The following AGAP1 variants were observed in gnomAD, a reference collection of about 807,000 sequenced individuals.
AGAP1 encodes ArfGAP with GTPase domain, ankyrin repeat and PH domain 1, also known as arf-GAP with GTPase, ANK repeat and PH domain-containing protein 1.
A neutral mutation model predicts 105.3 loss-of-function variants in AGAP1; 29 were observed. That is an observed-to-expected ratio of 0.28 (90% confidence interval 0.21 to 0.38). The LOEUF (loss-of-function observed/expected upper bound fraction) is 0.38, where lower values mean the gene tolerates loss of function less well. AGAP1 is among the 10% of genes least tolerant of loss of function. The probability of loss-of-function intolerance (pLI) is 1.00; values close to 1 mark genes in which losing one functional copy is unlikely to be tolerated. For synonymous variants in AGAP1, 509 were observed against 485.9 expected (o/e 1.05, Z -0.63); for missense variants, 998 against 1,165.1 (o/e 0.86, Z 2.09).
Position 235,799,316 on chromosome 2 carries a change from T to G in AGAP1, c.802-51T>G, listed in dbSNP as rs1203070841. ...TTATGACCTTGCCTAAGTGGAGGTC[T>G]TGGGTTCCTGAGTATGTCGTTAATG... On this transcript the variant is annotated intron_variant, in intron 7 of 17. Transcript: ENST00000304032. The surrounding 1 kb of genome is among the most constrained non-coding windows in gnomAD (Gnocchi z 5.0). 6.3e-7 allele frequency: 1 copy of G among 1,589,294 alleles called. No individual in the cohort carries two copies. Among genetic ancestry groups the G allele is most frequent in the African/African-American group, 1.3e-5 (1 of 74,702 alleles).
At chr2:235,984,910 CAT>C (rs763119478) in intron 13 of AGAP1, among the ~76,000 whole-genome samples, 3 of 152,148 alleles carry the variant, frequency 2.0e-5, no homozygotes, top group African/African-American at 4.8e-5. Flanking sequence ...CTGCAATAAA[CAT>C]ATGTGTGAAT....
intron 9 of AGAP1, among the ~76,000 whole-genome samples, chr2:235,820,999 T>G (rs1958757690): frequency 6.6e-6 from 1 of 152,226 alleles, no homozygotes. Flanking sequence ...TCATACATGA[T>G]GGACATAAGA....
At chr2:236,102,335 G>A (rs1037021560) in intron 16 of AGAP1, among the ~76,000 whole-genome samples, 3 of 150,706 alleles carry the variant, frequency 2.0e-5, no homozygotes, top group Non-Finnish European at 2.9e-5. Flanking sequence ...GGAGAATGGC[G>A]TGAACCCGGG....
At chr2:235,848,060 T>C (rs963067538) in intron 9 of AGAP1, among the ~76,000 whole-genome samples, 3 of 152,226 alleles carry the variant, frequency 2.0e-5, no homozygotes, top group Non-Finnish European at 4.4e-5. Flanking sequence ...AGGCACTGCT[T>C]GGTTTCTGGG....
rs1951770439 is a variant in AGAP1 at position 235,728,484 on chromosome 2, T to A, written c.310+10840T>A. On this transcript the variant is annotated intron_variant, in intron 3 of 17. Coordinates refer to ENST00000304032, the MANE Select transcript of AGAP1 (RefSeq NM_001037131.3). This position sits in a 1 kb window ranked among gnomAD's most constrained non-coding sequence, Gnocchi z 4.3. ...CCTGATTCAACTCACAGTGTAGTCC[T>A]TTATCCATGCTTGTTGGCTTCTGGA... Among the ~76,000 whole-genome samples, 2 of 152,308 alleles carry A rather than the reference T, an allele frequency of 1.3e-5. No homozygotes were observed. Among genetic ancestry groups the A allele is most frequent in the African/African-American group, 4.8e-5 (2 of 41,566 alleles).
chr2:236,032,587 TA>T (rs1406784130), intron 13 of AGAP1, among the ~76,000 whole-genome samples: 1 of 152,056 alleles, frequency 6.6e-6, no homozygotes, highest in Admixed American at 6.6e-5. Flanking sequence ...GGGGAAGCAT[TA>T]TTAGAAAAGA....
chr2:236,072,106 A>G (rs1438009341), intron 16 of AGAP1, among the ~76,000 whole-genome samples: 1 of 151,342 alleles, frequency 6.6e-6, no homozygotes, highest in Non-Finnish European at 1.5e-5. Flanking sequence ...GTTCTCTCCA[A>G]AAGTAGTCTT....
At chr2:235,680,057 C>G (rs143701710) in intron 1 of AGAP1, among the ~76,000 whole-genome samples, 7 of 152,334 alleles carry the variant, frequency 4.6e-5, no homozygotes, top group Non-Finnish European at 1.0e-4. Context: ...GATAATGTTA[C>G]AAACTTAGAT....
chr2:236,041,191 G>A (rs949915339), intron 15 of AGAP1, among the ~76,000 whole-genome samples: 3 of 151,846 alleles, frequency 2.0e-5, no homozygotes, highest in East Asian at 1.9e-4. Flanking sequence ...GGGAGAACCC[G>A]TCTCTACAGA....
intron 12 of AGAP1, among the ~76,000 whole-genome samples, chr2:235,955,897 A>C (rs1182967000): frequency 6.6e-6 from 1 of 152,140 alleles, no homozygotes; most frequent in African/African-American, 2.4e-5. Flanking sequence ...TGGCCTAAGG[A>C]GCCCACCTTC....
rs2054208142 is a variant in AGAP1, at chr2:235,961,994, G to A, written c.1484-6468G>A. On this transcript the variant is annotated intron_variant, in intron 12 of 17. Transcript: ENST00000304032. This position sits in a 1 kb window ranked among gnomAD's most constrained non-coding sequence, Gnocchi z 5.9. ...CCATGGAGACTGCTGGGGACAGGCTGGGGCAGGGCGGGGTGGAGGGTGTCC... is the reference window on the plus strand; with the variant it reads ...CCATGGAGACTGCTGGGGACAGGCTAGGGCAGGGCGGGGTGGAGGGTGTCC... 6.6e-6 allele frequency among the ~76,000 whole-genome samples: 1 copy of A among 152,058 alleles called. No homozygotes were observed.
At chr2:236,074,814 A>C (rs2058593476) in intron 16 of AGAP1, among the ~76,000 whole-genome samples, 1 of 152,176 alleles carries the variant, frequency 6.6e-6, no homozygotes, top group South Asian at 2.1e-4. Context: ...CAGCAATTTG[A>C]GAGGCTGAAG....
intron 16 of AGAP1, among the ~76,000 whole-genome samples, chr2:236,108,470 G>A (rs1023248148): frequency 6.6e-6 from 1 of 152,124 alleles, no homozygotes; most frequent in Non-Finnish European, 1.5e-5. Flanking sequence ...ACGCCAGCCC[G>A]CTCTGCTACA....
intron 3 of AGAP1, among the ~76,000 whole-genome samples, chr2:235,730,744 G>C (rs1283697229): frequency 6.6e-6 from 1 of 152,162 alleles, no homozygotes; most frequent in Non-Finnish European, 1.5e-5. Flanking sequence ...GACCATGCAG[G>C]CTATTTGAGA....
In AGAP1 at chr2:235,506,319, C is replaced by T. The variant is rs143291152; in HGVS notation, c.163+11470C>T. Among the ~76,000 whole-genome samples, 362 of 152,140 alleles carry T rather than the reference C, an allele frequency of 2.4e-3. 1 individual carries two copies. Among genetic ancestry groups the T allele is most frequent in the African/African-American group, 8.3e-3 (343 of 41,530 alleles). ...CGGTGGCTAATGCTTGTAATCTCAG[C>T]GCTTCGGGAGGCCGAAGTGGGAGGA... On this transcript the variant is annotated intron_variant, in intron 1 of 17. Coordinates refer to ENST00000304032, the MANE Select transcript of AGAP1 (RefSeq NM_001037131.3).
chr2:235,829,799 T>C (rs1959197071), intron 9 of AGAP1, among the ~76,000 whole-genome samples: 1 of 152,098 alleles, frequency 6.6e-6, no homozygotes, highest in Non-Finnish European at 1.5e-5. Flanking sequence ...AAGGCGCAGA[T>C]AGACAGGAGG....
intron 6 of AGAP1, chr2:235,774,232 A>C (rs1955683626): frequency 2.4e-6 from 1 of 412,598 alleles, no homozygotes; most frequent in South Asian, 1.8e-5. Context: ...AAAAATGCAC[A>C]TCTGGAAAAT....
chr2:235,819,795 C>T lies in AGAP1; in HGVS notation c.1050+12464C>T, dbSNP rs1361514983. Among the ~76,000 whole-genome samples the T allele has an allele frequency of 4.6e-5, 7 of 151,850 alleles. No individual in the cohort carries two copies. The South Asian group carries it at 6.2e-4, about 14-fold the overall frequency. On this transcript the variant is annotated intron_variant, in intron 9 of 17. Coordinates refer to ENST00000304032, the MANE Select transcript of AGAP1 (RefSeq NM_001037131.3). ...ACTCCGAGACATGTTCTTTCTCCTGCGTTGTGTACACAGCAGGGAGGGTAT... is the reference window on the plus strand; with the variant it reads ...ACTCCGAGACATGTTCTTTCTCCTGTGTTGTGTACACAGCAGGGAGGGTAT...
rs943936658 is a variant in AGAP1, at chr2:235,981,943, A to G, written c.1645+13320A>G. 3.9e-5 allele frequency among the ~76,000 whole-genome samples: 6 copies of G among 152,138 alleles called. No homozygotes were observed. Among genetic ancestry groups the G allele is most frequent in the African/African-American group, 1.2e-4 (5 of 41,426 alleles). ...GGCTTGTCTAGGATTCTTCCTACAG[A>G]AGAAGTTCATATAAAATAAGGGGTT... On this transcript the variant is annotated intron_variant, in intron 13 of 17. Coordinates refer to ENST00000304032, the MANE Select transcript of AGAP1 (RefSeq NM_001037131.3). This position sits in a 1 kb window ranked among gnomAD's most constrained non-coding sequence, Gnocchi z 5.5.
Sources: allele counts gnomAD v4.1 joint callset (sites outside exome capture counted in the v4.1 genomes callset), GRCh38; gene constraint gnomAD v4.1.1; non-coding constraint Gnocchi (gnomAD v3.1); transcripts MANE v1.5; gene names NCBI Gene and HGNC (gene_info 2026-07-23, HGNC 2026-07-21).